The following PLBD1 variants were observed in gnomAD, a reference collection of about 807,000 sequenced individuals.
PLBD1 encodes lysosomal leucine aminopeptidase.
In PLBD1, 60 loss-of-function variants were observed where a neutral mutation model predicts 63.0. That is an observed-to-expected ratio of 0.95 (90% CI 0.77 to 1.18). PLBD1 has a LOEUF of 1.18. PLBD1 is among the 50% of genes most tolerant of loss of function. The probability of loss-of-function intolerance (pLI) is 0.00; values close to 1 mark genes in which losing one functional copy is unlikely to be tolerated. For missense variants in PLBD1, 598 were observed against 677.9 expected (o/e 0.88, Z 1.31); for synonymous variants, 262 against 248.0 (o/e 1.06, Z -0.53).
chr12:14,511,943 AT>A (rs1412715707), intron 6 of PLBD1, among the ~76,000 whole-genome samples: 1 of 152,174 alleles, frequency 6.6e-6, no homozygotes, highest in Non-Finnish European at 1.5e-5. Flanking sequence ...TTGAAAATTT[AT>A]TTTGTGATTT....
At chr12:14,506,329 A>C in intron 9 of PLBD1, 61 bp from the exon 10 acceptor site, 1 of 1,280,148 alleles carries the variant, frequency 7.8e-7, no homozygotes, top group Non-Finnish European at 1.1e-6. Context: ...ACTTCTCCAC[A>C]GTAAGGTTTT....
At chr12:14,511,130 AT>A (rs1945294745) in intron 8 of PLBD1, 129 bp downstream of exon 8, 2 of 947,184 alleles carry the variant, frequency 2.1e-6, no homozygotes. Context: ...CTGGTGTAAT[AT>A]AGCATCCCCA....
chr12:14,542,920 G>GC (rs1483704279), intron 2 of PLBD1, among the ~76,000 whole-genome samples: 1 of 152,096 alleles, frequency 6.6e-6, no homozygotes, highest in East Asian at 1.9e-4. Context: ...GGTGGCGGGC[G>GC]CCTGTAGTCC....
chr12:14,563,528 C>CA (rs60358055), intron 1 of PLBD1, among the ~76,000 whole-genome samples: 1 of 151,540 alleles, frequency 6.6e-6, no homozygotes, highest in Admixed American at 6.6e-5. Flanking sequence ...AAAAAAACAA[C>CA]AAAAAAAAAA....
intron 6 of PLBD1, among the ~76,000 whole-genome samples, chr12:14,519,086 A>G (rs1387405618): frequency 6.6e-6 from 1 of 152,234 alleles, no homozygotes; most frequent in African/African-American, 2.4e-5. Context: ...CCAAAGGCAG[A>G]GAGAAACAGA....
chr12:14,567,749 C>A lies in PLBD1; in HGVS notation c.-53G>T. 7.2e-7 allele frequency: 1 copy of A among 1,381,810 alleles called. No individual in the cohort carries two copies. The highest frequency in any genetic ancestry group is 9.3e-7 in the Non-Finnish European group (1 of 1,079,322). 85.6% of individuals were successfully genotyped at this position (1,381,810 alleles called of 1,614,324 possible). On this transcript the variant is annotated 5_prime_UTR_variant, in exon 1 of 11. Coordinates refer to ENST00000240617, the MANE Select transcript of PLBD1 (RefSeq NM_024829.6). ...GGGATCAGGCGGCCGCGGTGGCCCG[C>A]GGTGGCAGAAGTTGCAAGAGAGGCT...
Position 14,553,250 on chromosome 12 carries a change from AG to A in PLBD1, c.277del (p.Leu93Ter). ...CACAAACATGATGATCTCATTGCTC[AG>A]GGTTTGAGAGCCATAGCCAGCTCTG... ...EIRAGYGSQT[L>X]SNEIIMFVAG... On this transcript the variant is annotated frameshift_variant, in exon 2 of 11. Transcript: ENST00000240617. LOFTEE classifies it high-confidence loss of function. The A allele has an allele frequency of 6.2e-7, 1 of 1,614,154 alleles. No individual in the cohort carries two copies. Among genetic ancestry groups the A allele is most frequent in the Non-Finnish European group, 8.5e-7 (1 of 1,180,030 alleles).
chr12:14,567,601 C>T lies in PLBD1; in HGVS notation c.96G>A (p.Ala32=), dbSNP rs1284688648. 1.3e-6 allele frequency: 2 copies of T among 1,500,114 alleles called. No homozygotes were observed. Among genetic ancestry groups the T allele is most frequent in the East Asian group, 2.8e-5 (1 of 35,830 alleles). The allele number at this position is 1,500,114 out of a possible 1,614,324, so 92.9% of individuals were successfully genotyped here. A position where few individuals can be genotyped will look rare whatever the true frequency, so the allele number is the denominator to read the frequency against. Residue 32 remains alanine (A), a synonymous_variant, in exon 1 of 11, where the codon GCG becomes GCA. Coordinates refer to ENST00000240617, the MANE Select transcript of PLBD1 (RefSeq NM_024829.6). ...LLLLPLLLVT[A]EPPKPAGVYY... ...GCTCACCTGCAGGTTTCGGCGGCTCCGCGGTGACTAACAACAGCGGCAGCA... is the reference window on the plus strand; with the variant it reads ...GCTCACCTGCAGGTTTCGGCGGCTCTGCGGTGACTAACAACAGCGGCAGCA...
Position 14,535,763 on chromosome 12 carries a change from C to T in PLBD1, c.740G>A (p.Ser247Asn), listed in dbSNP as rs1316078789. Residue 247 changes from serine to asparagine, a missense_variant, in exon 6 of 11, where the codon AGC (serine) becomes AAC (asparagine). Physicochemically the swap from Ser to Asn is conservative, Grantham distance 46. Transcript: ENST00000240617. ...GAGCATGGCTGCATACGTGTACCAG[C>T]TTGAGTGAGCAAAAAGGATGTTCTC... ...GFENILFAHS[S>N]WYTYAAMLRI... is the part of the protein sequence containing the mutation. The T allele has an allele frequency of 6.2e-7, 1 of 1,613,998 alleles. No homozygotes were observed. The highest frequency in any genetic ancestry group is 2.2e-5 in the East Asian group (1 of 44,880).
intron 6 of PLBD1, among the ~76,000 whole-genome samples, chr12:14,515,567 C>A (rs1945330878): frequency 1.3e-5 from 2 of 151,796 alleles, no homozygotes; most frequent in African/African-American, 4.8e-5. Flanking sequence ...TTATATACTT[C>A]AGCTTTATGA....
At chr12:14,522,575 C>G (rs113824494) in intron 6 of PLBD1, among the ~76,000 whole-genome samples, 2,729 of 152,112 alleles carry the variant, frequency 0.018, 74 homozygotes, top group African/African-American at 0.063. Context: ...ATCTATTGGC[C>G]AATATCCCTA....
At chr12:14,518,247 A>G (rs1565572368) in intron 6 of PLBD1, among the ~76,000 whole-genome samples, 2 of 152,214 alleles carry the variant, frequency 1.3e-5, no homozygotes, top group African/African-American at 4.8e-5. Context: ...AGCCAGGTAC[A>G]TGGTAGGGGC....
At chr12:14,563,358 A>C (rs1269194009) in intron 1 of PLBD1, among the ~76,000 whole-genome samples, 1 of 152,086 alleles carries the variant, frequency 6.6e-6, no homozygotes, top group African/African-American at 2.4e-5. Context: ...ATCTCTACAA[A>C]AAATACAAAA....
At chr12:14,508,004 ATTG>A (rs1231841279) in intron 8 of PLBD1, among the ~76,000 whole-genome samples, 1 of 152,132 alleles carries the variant, frequency 6.6e-6, no homozygotes, top group Non-Finnish European at 1.5e-5. Context: ...TCTCCTTTGT[ATTG>A]TTGTACAGGA....
At chr12:14,557,509 AG>A (rs1945715165) in intron 1 of PLBD1, among the ~76,000 whole-genome samples, 1 of 152,198 alleles carries the variant, frequency 6.6e-6, no homozygotes, top group Admixed American at 6.5e-5. Flanking sequence ...TGTGCTTTGC[AG>A]GAACATGGAT....
At chr12:14,531,793 G>A (rs944417280) in intron 6 of PLBD1, among the ~76,000 whole-genome samples, 1 of 152,040 alleles carries the variant, frequency 6.6e-6, no homozygotes, top group Non-Finnish European at 1.5e-5. Flanking sequence ...ACCAACACTC[G>A]GCTGATTTTT....
At chr12:14,520,608 A>G (rs988474157) in intron 6 of PLBD1, among the ~76,000 whole-genome samples, 13 of 152,258 alleles carry the variant, frequency 8.5e-5, no homozygotes, top group Non-Finnish European at 1.5e-4. Context: ...GGAGAACACT[A>G]AAGTGTTCCG....
intron 6 of PLBD1, among the ~76,000 whole-genome samples, chr12:14,515,484 C>CT (rs901756468): frequency 2.1e-4 from 31 of 150,276 alleles, no homozygotes; most frequent in Admixed American, 1.3e-3. Context: ...TCTGCTATTG[C>CT]TTTTTTTTTC....
chr12:14,539,887 C>T (rs979198948), intron 4 of PLBD1, among the ~76,000 whole-genome samples: 3 of 148,478 alleles, frequency 2.0e-5, no homozygotes, highest in Admixed American at 6.8e-5. Flanking sequence ...TGTGTATATA[C>T]ACATATATAT....
Sources: gnomAD v4.1 joint callset for allele counts (sites outside exome capture counted in the v4.1 genomes callset) on GRCh38, gnomAD v4.1.1 for gene constraint, MANE v1.5 for transcripts, NCBI Gene and HGNC (gene_info 2026-07-23, HGNC 2026-07-21) for gene names.